Variants in LRRTM4 observed in about 807,000 individuals in gnomAD.
LRRTM4 encodes leucine-rich repeat transmembrane neuronal protein 4.
In LRRTM4, 25 loss-of-function variants were observed where a neutral mutation model predicts 47.6. The observed-to-expected ratio is 0.53, with a 90% CI of 0.38 to 0.73. The LOEUF is 0.73. LRRTM4 is among the 30% of genes least tolerant of loss of function. The pLI is 0.00. For synonymous variants in LRRTM4, 311 were observed against 269.5 expected, an observed-to-expected ratio of 1.15 and a Z score of -1.51; for missense variants, 638 against 713.4, an observed-to-expected ratio of 0.89 and a Z score of 1.20.
intron 3 of LRRTM4, among the ~76,000 whole-genome samples, chr2:77,000,147 G>C (rs1034845068): frequency 7.3e-6 from 1 of 136,736 alleles, no homozygotes; most frequent in African/African-American, 2.8e-5. Flanking sequence ...GAAAGAGTGG[G>C]AAAGTATGTC....
intron 3 of LRRTM4, among the ~76,000 whole-genome samples, chr2:77,350,183 G>A (rs1168280019): frequency 2.7e-5 from 4 of 149,846 alleles, no homozygotes; most frequent in South Asian, 2.1e-4. Context: ...AAAATTAGCC[G>A]GGCGCGGTGG....
At chr2:77,288,208 T>A (rs1676716802) in intron 3 of LRRTM4, among the ~76,000 whole-genome samples, 1 of 151,460 alleles carries the variant, frequency 6.6e-6, no homozygotes, top group African/African-American at 2.4e-5. Context: ...GTAGAAAAAA[T>A]AATTTATAAA....
chr2:76,877,635 CTATT>C (rs1258241187), intron 3 of LRRTM4, among the ~76,000 whole-genome samples: 89 of 152,112 alleles, frequency 5.9e-4, no homozygotes, highest in Non-Finnish European at 1.8e-4. Flanking sequence ...AGAAAATTGA[CTATT>C]CATTTATTAC....
intron 3 of LRRTM4, among the ~76,000 whole-genome samples, chr2:77,224,106 G>A (rs1403092709): frequency 6.6e-6 from 1 of 151,316 alleles, no homozygotes; most frequent in African/African-American, 2.4e-5. Context: ...ACAAGCAATG[G>A]GGAAAGGATT....
rs141646824 is a variant in LRRTM4 at position 76,834,547 on chromosome 2, G to A, written c.1552-85631C>T. The stretch of plus-strand genomic sequence containing the variant: ...ATTTCTGCTTGCTTCATTTGACAAC[G>A]TATTTATATTTTCTAATTATAATCA... On this transcript the variant is annotated intron_variant, in intron 3 of 3. Transcript: ENST00000409884. Among the ~76,000 whole-genome samples the A allele has an allele frequency of 9.7e-4, 147 of 151,770 alleles. 1 individual carries two copies. The highest frequency in any genetic ancestry group is 6.8e-3 in the Middle Eastern group (2 of 292).
intron 3 of LRRTM4, among the ~76,000 whole-genome samples, chr2:77,478,390 C>A (rs1171840747): frequency 6.6e-6 from 1 of 152,132 alleles, no homozygotes; most frequent in Non-Finnish European, 1.5e-5. Context: ...TAATTGATAT[C>A]AACTTCTTAC....
chr2:77,422,383 T>A (rs1379229247), intron 3 of LRRTM4, among the ~76,000 whole-genome samples: 1 of 152,194 alleles, frequency 6.6e-6, no homozygotes. Context: ...ATAAACTGCA[T>A]CCATGTCTGA....
chr2:77,157,991 C>T (rs1040608800), intron 3 of LRRTM4, among the ~76,000 whole-genome samples: 13 of 151,966 alleles, frequency 8.6e-5, no homozygotes, highest in Middle Eastern at 3.4e-3. Context: ...ATTCAAAAGG[C>T]GTCAAGTTAA....
At chr2:76,964,531 A>G (rs1436267092) in intron 3 of LRRTM4, among the ~76,000 whole-genome samples, 1 of 150,920 alleles carries the variant, frequency 6.6e-6, no homozygotes, top group Non-Finnish European at 1.5e-5. Context: ...CAATAATTCT[A>G]CAGGGGTCTG....
At chr2:77,485,434 A>G (rs1464118550) in intron 3 of LRRTM4, among the ~76,000 whole-genome samples, 1 of 152,222 alleles carries the variant, frequency 6.6e-6, no homozygotes, top group Non-Finnish European at 1.5e-5. Context: ...ACAAAGACCC[A>G]GAGGTTGAAG....
chr2:77,511,049 A>C (rs1216714899), intron 3 of LRRTM4, among the ~76,000 whole-genome samples: 5 of 152,118 alleles, frequency 3.3e-5, no homozygotes, highest in Non-Finnish European at 7.4e-5. Flanking sequence ...TCAGTAAACA[A>C]AGAGATGGAA....
intron 3 of LRRTM4, chr2:77,517,296 C>G: frequency 2.0e-6 from 2 of 983,360 alleles, no homozygotes; most frequent in South Asian, 9.4e-5. Flanking sequence ...GGAAGGTACA[C>G]CTTTATTTGA....
intron 3 of LRRTM4, among the ~76,000 whole-genome samples, chr2:77,451,847 T>C (rs1278472443): frequency 1.3e-5 from 2 of 152,074 alleles, no homozygotes; most frequent in Non-Finnish European, 2.9e-5. Flanking sequence ...ACACAAATAG[T>C]GAGAAGGAGC....
At chr2:76,956,624 T>C (rs550622311) in intron 3 of LRRTM4, among the ~76,000 whole-genome samples, 27 of 148,866 alleles carry the variant, frequency 1.8e-4, no homozygotes, top group African/African-American at 4.4e-4. Flanking sequence ...TAAGAAAAAA[T>C]AGAGAATAGA....
chr2:76,807,469 TACATATATATATATATAC>T (rs1670552665), intron 3 of LRRTM4, among the ~76,000 whole-genome samples: 1 of 69,920 alleles, frequency 1.4e-5, no homozygotes, highest in African/African-American at 8.0e-5. Flanking sequence ...CATATATATA[TACATATATATATATATAC>T]ATATATATAT....
At chr2:77,038,674 CCTT>C (rs1335733549) in intron 3 of LRRTM4, among the ~76,000 whole-genome samples, 1 of 151,470 alleles carries the variant, frequency 6.6e-6, no homozygotes, top group African/African-American at 2.4e-5. Context: ...GTTTTAGTCT[CCTT>C]CTGCCATTTT....
chr2:77,301,086 T>C (rs290048), intron 3 of LRRTM4, among the ~76,000 whole-genome samples: 18,990 of 152,060 alleles, frequency 0.12, 2,099 homozygotes, highest in African/African-American at 0.29. Flanking sequence ...TATCTAGAGT[T>C]AACAGCACTG....
At position 77,522,118 on chromosome 2, in the gene LRRTM4, C is replaced by A. The variant is rs974535038; in HGVS notation, c.-157G>T. The A allele has an allele frequency of 4.2e-6, 3 of 716,022 alleles. No homozygotes were observed. The highest frequency in any genetic ancestry group is 7.8e-6 in the Non-Finnish European group (3 of 384,282). The allele number at this position is 716,022 out of a possible 1,614,324, so 44.4% of individuals were successfully genotyped here. A position where few individuals can be genotyped will look rare whatever the true frequency, so the allele number is the denominator to read the frequency against. ...AAAATCTTCAGAATACCTGGCATTC[C>A]TTATTGTGCTGGCTTTTGCCATTCC... On this transcript the variant is annotated 5_prime_UTR_variant, in exon 1 of 4. It adds an upstream start codon to the 5' untranslated region. Coordinates refer to ENST00000409884, the MANE Select transcript of LRRTM4 (RefSeq NM_001134745.3).
intron 3 of LRRTM4, among the ~76,000 whole-genome samples, chr2:77,328,510 CTCTT>C (rs1670861506): frequency 6.6e-6 from 1 of 152,174 alleles, no homozygotes; most frequent in Admixed American, 6.5e-5. Flanking sequence ...CATCCTCATC[CTCTT>C]TCTTTCTTTC....
Sources: allele counts gnomAD v4.1 joint callset (sites outside exome capture counted in the v4.1 genomes callset), GRCh38; gene constraint gnomAD v4.1.1; transcripts MANE v1.5; gene names NCBI Gene and HGNC (gene_info 2026-07-23, HGNC 2026-07-21).